The following MATCAP2 variants were observed in gnomAD, a reference collection of about 807,000 sequenced individuals.
MATCAP2 encodes the protein microtubule associated tyrosine carboxypeptidase 2.
At chr7:36,343,267 G>A in the MATCAP2 span, among the ~76,000 whole-genome samples, 1 of 145,232 alleles carries the variant, frequency 6.9e-6, no homozygotes, top group African/African-American at 2.6e-5. Flanking sequence ...AAGGTAGGAG[G>A]ACCACTTGAG....
At chr7:36,364,045 T>C in the MATCAP2 span, among the ~76,000 whole-genome samples, 8 of 137,458 alleles carry the variant, frequency 5.8e-5, no homozygotes, top group African/African-American at 5.4e-5. Flanking sequence ...TAATAAACCC[T>C]TTTTTTTTTT....
At chr7:36,331,060 C>G in the MATCAP2 span, 2 of 1,611,548 alleles carry the variant, frequency 1.2e-6, no homozygotes, top group African/African-American at 2.7e-5. Context: ...CCAAGTATAC[C>G]TGGTCTTTAC....
At chr7:36,342,165 A>G in the MATCAP2 span, among the ~76,000 whole-genome samples, 1 of 151,616 alleles carries the variant, frequency 6.6e-6, no homozygotes, top group Non-Finnish European at 1.5e-5. Context: ...TATAGTTTGT[A>G]AAACACTACA....
chr7:36,389,875 G>A, the MATCAP2 span: 3 of 1,396,916 alleles, frequency 2.1e-6, no homozygotes, highest in Non-Finnish European at 3.0e-6. Context: ...TCCGTCACTG[G>A]AAGCCGAGAG....
the MATCAP2 span, among the ~76,000 whole-genome samples, chr7:36,351,233 T>TAA: frequency 2.8e-5 from 4 of 141,188 alleles, no homozygotes; most frequent in Non-Finnish European, 6.3e-5. Flanking sequence ...CTGTCTTTAC[T>TAA]AAAAGTACAA....
the MATCAP2 span, among the ~76,000 whole-genome samples, chr7:36,379,845 C>CAGAGAGAGAG: frequency 5.6e-5 from 7 of 125,416 alleles, no homozygotes; most frequent in East Asian, 2.7e-4. Context: ...CACACACACA[C>CAGAGAGAGAG]ACAGAGAGAG....
At chr7:36,358,371 T>C in the MATCAP2 span, among the ~76,000 whole-genome samples, 1 of 152,176 alleles carries the variant, frequency 6.6e-6, no homozygotes, top group African/African-American at 2.4e-5. Context: ...TCAAAAACCA[T>C]TGTTAAGATT....
chr7:36,336,502 C>T, the MATCAP2 span, among the ~76,000 whole-genome samples: 1 of 152,136 alleles, frequency 6.6e-6, no homozygotes, highest in East Asian at 1.9e-4. Flanking sequence ...TTTAGCAATA[C>T]GAACTCTTCC....
chr7:36,353,240 C>A, the MATCAP2 span, among the ~76,000 whole-genome samples: 1 of 151,846 alleles, frequency 6.6e-6, no homozygotes. Flanking sequence ...GATCACACCC[C>A]AGCTCTCCAG....
chr7:36,356,700 G>T, the MATCAP2 span: 1 of 608,012 alleles, frequency 1.6e-6, no homozygotes, highest in South Asian at 2.0e-5. Context: ...CTATATAACA[G>T]ATTATAAATT....
the MATCAP2 span, among the ~76,000 whole-genome samples, chr7:36,387,068 A>G: frequency 1.3e-5 from 2 of 152,216 alleles, no homozygotes; most frequent in Non-Finnish European, 2.9e-5. Flanking sequence ...GTGAACATGA[A>G]TGAAATGCAG....
the MATCAP2 span, chr7:36,326,956 C>T: frequency 4.5e-6 from 7 of 1,554,528 alleles, no homozygotes; most frequent in Middle Eastern, 3.4e-4. Context: ...AAAAATGTAA[C>T]TACAATGTAC....
At chr7:36,371,279 T>C in the MATCAP2 span, among the ~76,000 whole-genome samples, 1 of 152,016 alleles carries the variant, frequency 6.6e-6, no homozygotes, top group Non-Finnish European at 1.5e-5. Flanking sequence ...GCCAGGCGAA[T>C]TTTTTGTATT....
the MATCAP2 span, among the ~76,000 whole-genome samples, chr7:36,361,161 G>A: frequency 6.6e-6 from 1 of 152,132 alleles, no homozygotes; most frequent in Non-Finnish European, 1.5e-5. Flanking sequence ...TCTAGAACAG[G>A]AGAAAAGGAT....
the MATCAP2 span, among the ~76,000 whole-genome samples, chr7:36,380,006 TAAGTCTGAAATAATGGC>T: frequency 6.6e-6 from 1 of 152,344 alleles, no homozygotes; most frequent in South Asian, 2.1e-4. Context: ...AACTTTTCTG[TAAGTCTGAAATAATGGC>T]AAAATAAAGT....
the MATCAP2 span, chr7:36,324,740 T>C: frequency 6.6e-6 from 1 of 152,232 alleles, no homozygotes; most frequent in Non-Finnish European, 1.5e-5. Flanking sequence ...TCTTAATCAA[T>C]GTGATTTAAG....
the MATCAP2 span, among the ~76,000 whole-genome samples, chr7:36,374,578 G>A: frequency 6.6e-6 from 1 of 152,026 alleles, no homozygotes. Context: ...TAGGGTGCAT[G>A]TGCACAACAT....
chr7:36,347,436 T>C, the MATCAP2 span, among the ~76,000 whole-genome samples: 3 of 152,136 alleles, frequency 2.0e-5, no homozygotes, highest in African/African-American at 7.2e-5. Flanking sequence ...ACCAGTATGA[T>C]AGGGGGTAGG....
At chr7:36,346,138 G>A in the MATCAP2 span, among the ~76,000 whole-genome samples, 4 of 152,080 alleles carry the variant, frequency 2.6e-5, no homozygotes, top group East Asian at 7.7e-4. Flanking sequence ...GAAAAAAAAA[G>A]GGCTGATGAG....
Sources: allele counts gnomAD v4.1 joint callset (sites outside exome capture counted in the v4.1 genomes callset), GRCh38; gene constraint gnomAD v4.1.1; transcripts MANE v1.5; gene names NCBI Gene and HGNC (gene_info 2026-07-23, HGNC 2026-07-21).